SLC9A9: variants seen among roughly 807,000 people sequenced by gnomAD.
SLC9A9 encodes solute carrier family 9 member A9.
Under a neutral mutation model 77.8 loss-of-function variants are expected in SLC9A9, and 62 were observed. The ratio of observed to expected loss-of-function variants is 0.80; its 90% CI spans 0.65 to 0.98. The LOEUF is 0.98. Among genes scored for constraint, SLC9A9 ranks in the 50% least tolerant of loss-of-function variants. The pLI is 0.00. For synonymous variants in SLC9A9, 320 were observed against 283.5 expected, an observed-to-expected ratio of 1.13 and a Z score of -1.29; for missense variants, 775 against 774.9, an observed-to-expected ratio of 1.00 and a Z score of 0.00.
chr3:143,755,638 G>T lies in SLC9A9; in HGVS notation c.533+39363C>A, dbSNP rs1413007329. 2.0e-5 allele frequency among the ~76,000 whole-genome samples: 3 copies of T among 152,174 alleles called. No homozygotes were observed. The East Asian group carries it at 5.8e-4, about 29-fold the overall frequency. On this transcript the variant is annotated intron_variant, in intron 4 of 15. Transcript: ENST00000316549. Reference sequence around the variant, plus strand: ...TGTCCAATTAAAAAGTCAGATGAAAGATAGAAATATGGCAGGATTGCTAAA... The same window carrying T: ...TGTCCAATTAAAAAGTCAGATGAAATATAGAAATATGGCAGGATTGCTAAA...
intron 6 of SLC9A9, among the ~76,000 whole-genome samples, chr3:143,587,973 TG>T (rs529471227): frequency 3.3e-5 from 5 of 152,220 alleles, no homozygotes; most frequent in Admixed American, 6.5e-5. Context: ...GAGGAAGGAC[TG>T]GACTCATTCT....
At chr3:143,729,634 T>C (rs1437690157) in intron 4 of SLC9A9, among the ~76,000 whole-genome samples, 1 of 152,080 alleles carries the variant, frequency 6.6e-6, no homozygotes, top group African/African-American at 2.4e-5. Context: ...ACAAAATACC[T>C]TTACTCTCCC....
intron 9 of SLC9A9, chr3:143,517,625 G>A (rs1170949756): frequency 1.9e-6 from 3 of 1,597,270 alleles, no homozygotes; most frequent in Non-Finnish European, 1.7e-6. Context: ...AAGATCATGG[G>A]CTGCTTCTTC....
chr3:143,355,880 G>A (rs527638972), intron 14 of SLC9A9, among the ~76,000 whole-genome samples: 1 of 152,304 alleles, frequency 6.6e-6, no homozygotes, highest in African/African-American at 2.4e-5. Context: ...TCTACAAGGG[G>A]AGAAGTGACC....
At chr3:143,740,886 G>T (rs192719437) in intron 4 of SLC9A9, among the ~76,000 whole-genome samples, 159 of 152,176 alleles carry the variant, frequency 1.0e-3, no homozygotes, top group African/African-American at 3.6e-3. Context: ...CATGTGTATT[G>T]GAGTTAAACA....
chr3:143,663,515 C>A (rs1291875963), intron 5 of SLC9A9, among the ~76,000 whole-genome samples: 1 of 152,188 alleles, frequency 6.6e-6, no homozygotes, highest in Non-Finnish European at 1.5e-5. Context: ...TAACAAATTT[C>A]TCTGAGCTAA....
At chr3:143,285,142 G>A (rs1014678774) in intron 14 of SLC9A9, among the ~76,000 whole-genome samples, 1 of 152,052 alleles carries the variant, frequency 6.6e-6, no homozygotes, top group Admixed American at 6.5e-5. Context: ...CGTCAGGTTT[G>A]TCACATAGGT....
intron 12 of SLC9A9, among the ~76,000 whole-genome samples, chr3:143,456,356 T>C (rs1210512549): frequency 6.6e-6 from 1 of 152,104 alleles, no homozygotes; most frequent in African/African-American, 2.4e-5. Flanking sequence ...GGACTATAGT[T>C]TTACTTTATT....
At chr3:143,276,610 G>T (rs1487710182) in intron 14 of SLC9A9, among the ~76,000 whole-genome samples, 1 of 152,098 alleles carries the variant, frequency 6.6e-6, no homozygotes, top group African/African-American at 2.4e-5. Context: ...GGTAGATTTT[G>T]ATATTGTTTT....
intron 12 of SLC9A9, among the ~76,000 whole-genome samples, chr3:143,412,094 C>T (rs2034106442): frequency 1.3e-5 from 2 of 152,044 alleles, no homozygotes; most frequent in South Asian, 4.1e-4. Flanking sequence ...GACATAGTCC[C>T]CTACTAAGGG....
At chr3:143,620,158 T>C (rs2038176322) in intron 6 of SLC9A9, among the ~76,000 whole-genome samples, 1 of 152,184 alleles carries the variant, frequency 6.6e-6, no homozygotes, top group Admixed American at 6.5e-5. Flanking sequence ...TTTTTTGATC[T>C]ATTTCATTTG....
chr3:143,613,419 T>C (rs1486143499), intron 6 of SLC9A9, among the ~76,000 whole-genome samples: 7 of 152,202 alleles, frequency 4.6e-5, no homozygotes, highest in East Asian at 1.9e-4. Context: ...CTCCAGAATA[T>C]GTTGAAACTT....
At chr3:143,497,374 GC>G (rs2035853901) in intron 9 of SLC9A9, among the ~76,000 whole-genome samples, 1 of 152,120 alleles carries the variant, frequency 6.6e-6, no homozygotes, top group African/African-American at 2.4e-5. Flanking sequence ...CAAATATGGA[GC>G]ATATAATTTA....
intron 9 of SLC9A9, among the ~76,000 whole-genome samples, chr3:143,529,709 G>A (rs1331066872): frequency 6.6e-6 from 1 of 152,030 alleles, no homozygotes; most frequent in African/African-American, 2.4e-5. Context: ...TTTGTTAAAT[G>A]TTTTACATTT....
At chr3:143,754,460 G>T (rs944976864) in intron 4 of SLC9A9, among the ~76,000 whole-genome samples, 8 of 152,146 alleles carry the variant, frequency 5.3e-5, no homozygotes, top group African/African-American at 1.9e-4. Flanking sequence ...GTGTTTTCTT[G>T]TATGTGAAAG....
chr3:143,695,322 C>T (rs970975271), intron 4 of SLC9A9, among the ~76,000 whole-genome samples: 6 of 152,098 alleles, frequency 3.9e-5, no homozygotes, highest in African/African-American at 1.4e-4. Context: ...TCTCCTAATG[C>T]TGTCCCTTCC....
intron 6 of SLC9A9, among the ~76,000 whole-genome samples, chr3:143,646,539 C>CTTTTTTTTTTTTTTTT (rs2038710776): frequency 1.3e-5 from 2 of 151,018 alleles, no homozygotes; most frequent in African/African-American, 4.9e-5. Flanking sequence ...TATATTTTTT[C>CTTTTTTTTTTTTTTTT]TTTATTATTT....
intron 5 of SLC9A9, among the ~76,000 whole-genome samples, chr3:143,669,369 T>G (rs1302624488): frequency 2.0e-5 from 3 of 152,174 alleles, no homozygotes; most frequent in African/African-American, 7.2e-5. Context: ...ACGGAGACAT[T>G]CTGTTCCCCA....
At position 143,266,050 on chromosome 3, in the gene SLC9A9, C is replaced by T. The variant is rs900479977; in HGVS notation, c.*652G>A. ...GGTGCTGCATTTAGGGCAGGGCACA[C>T]CCAGCCATAGGCAACCCCTTTGAGC... On this transcript the variant is annotated 3_prime_UTR_variant, in exon 16 of 16. Coordinates refer to ENST00000316549, the MANE Select transcript of SLC9A9 (RefSeq NM_173653.4). 10 of 702,218 alleles carry T rather than the reference C, an allele frequency of 1.4e-5. No homozygotes were observed. The highest frequency in any genetic ancestry group is 5.2e-5 in the African/African-American group (3 of 57,216). The allele number at this position is 702,218 out of a possible 1,614,324, so 43.5% of individuals were successfully genotyped here.
Sources: allele counts gnomAD v4.1 joint callset (sites outside exome capture counted in the v4.1 genomes callset), GRCh38; gene constraint gnomAD v4.1.1; transcripts MANE v1.5; gene names NCBI Gene and HGNC (gene_info 2026-07-23, HGNC 2026-07-21).